HMGA2: variants seen among roughly 807,000 people sequenced by gnomAD.
HMGA2 encodes high mobility group AT-hook 2, also known as high mobility group protein HMGI-C.
HMGA2 carries 8 observed loss-of-function variants against 19.1 expected under a neutral mutation model. The observed-to-expected ratio is 0.42, with a 90% CI of 0.25 to 0.76. The LOEUF (loss-of-function observed/expected upper bound fraction) is 0.76. Ranked by LOEUF, HMGA2 falls within the 30% of genes least tolerant of loss-of-function variation. The pLI, the probability that HMGA2 is intolerant of heterozygous loss-of-function variation, is 0.28. For synonymous variants in HMGA2, 60 were observed against 48.8 expected, an observed-to-expected ratio of 1.23 and a Z score of -0.96; for missense variants, 109 against 136.3, an observed-to-expected ratio of 0.80 and a Z score of 1.00.
chr12:65,861,783 G>A (rs573457304), intron 3 of HMGA2, among the ~76,000 whole-genome samples: 2 of 149,892 alleles, frequency 1.3e-5, no homozygotes, highest in Non-Finnish European at 3.0e-5. Flanking sequence ...TTAAAGATAT[G>A]CTTTAACATT....
intron 3 of HMGA2, among the ~76,000 whole-genome samples, chr12:65,890,727 C>CTTT (rs113634383): frequency 7.0e-6 from 1 of 141,988 alleles, no homozygotes. Context: ...TCAGTATATT[C>CTTT]TTTTTTTTTT....
At chr12:65,945,961 C>T (rs1241649865) in intron 3 of HMGA2, among the ~76,000 whole-genome samples, 1 of 152,140 alleles carries the variant, frequency 6.6e-6, no homozygotes, top group Non-Finnish European at 1.5e-5. Context: ...AGCTGGCTTA[C>T]ATCTAAAGGA....
At chr12:65,936,319 G>A (rs1875893557) in intron 3 of HMGA2, among the ~76,000 whole-genome samples, 1 of 151,624 alleles carries the variant, frequency 6.6e-6, no homozygotes, top group African/African-American at 2.4e-5. Flanking sequence ...AATCAGTCTA[G>A]ATAACATCTT....
At chr12:65,891,129 T>C (rs1006798677) in intron 3 of HMGA2, among the ~76,000 whole-genome samples, 7 of 152,214 alleles carry the variant, frequency 4.6e-5, no homozygotes, top group East Asian at 3.8e-4. Flanking sequence ...TAATGTAAAG[T>C]ATAGAAACTC....
At position 65,966,229 on chromosome 12, in the gene HMGA2, G is replaced by C. The variant is rs1876905996; in HGVS notation, c.*2937G>C. ...ATAACAGCCTCTGTGATCCCCATGTGTTTTGATTCCTGCTCTTTGTTACAG... is the reference window on the plus strand; with the variant it reads ...ATAACAGCCTCTGTGATCCCCATGTCTTTTGATTCCTGCTCTTTGTTACAG... On this transcript the variant is annotated 3_prime_UTR_variant, in exon 5 of 5. Transcript: ENST00000403681. 1 of 192,644 alleles carries C rather than the reference G, an allele frequency of 5.2e-6. No individual in the cohort carries two copies. Among genetic ancestry groups the C allele is most frequent in the Admixed American group, 6.1e-5 (1 of 16,294 alleles). 11.9% of individuals were successfully genotyped at this position (192,644 alleles called of 1,614,324 possible). A position where few individuals can be genotyped will look rare whatever the true frequency, so the allele number is the denominator to read the frequency against.
In HMGA2 at chr12:65,847,374, C is replaced by T. The variant is rs564136783; in HGVS notation, c.249+8805C>T. ...AACATATGGTGACCTTATTTTTCCTCTTTGTGCATACTCAATATAATTTAT... is the reference window on the plus strand; with the variant it reads ...AACATATGGTGACCTTATTTTTCCTTTTTGTGCATACTCAATATAATTTAT... On this transcript the variant is annotated intron_variant, in intron 3 of 4. Transcript: ENST00000403681. Among the ~76,000 whole-genome samples, 21 of 152,254 alleles carry T rather than the reference C, an allele frequency of 1.4e-4. No homozygotes were observed. In the South Asian group the frequency reaches 2.1e-3, roughly 15 times the overall value.
chr12:65,911,452 T>C (rs1222148133), intron 3 of HMGA2, among the ~76,000 whole-genome samples: 1 of 152,158 alleles, frequency 6.6e-6, no homozygotes, highest in Admixed American at 6.5e-5. Flanking sequence ...GTAATTAGCA[T>C]CCACATCCTC....
chr12:65,885,888 G>A (rs1282841685), intron 3 of HMGA2, among the ~76,000 whole-genome samples: 1 of 152,144 alleles, frequency 6.6e-6, no homozygotes, highest in East Asian at 1.9e-4. Context: ...AAATTACTCA[G>A]TTAAATGGGG....
At chr12:65,881,784 T>A in intron 3 of HMGA2, 1 of 703,104 alleles carries the variant, frequency 1.4e-6, no homozygotes, top group Non-Finnish European at 2.6e-6. Context: ...GGAAGCCTGC[T>A]GATCCCGGAA....
At chr12:65,903,851 G>C (rs1193168182) in intron 3 of HMGA2, among the ~76,000 whole-genome samples, 1 of 152,156 alleles carries the variant, frequency 6.6e-6, no homozygotes, top group East Asian at 1.9e-4. Flanking sequence ...GCAGATAACA[G>C]ATAACATCCA....
chr12:65,963,351 C>T lies in HMGA2; in HGVS notation c.*59C>T. 7.5e-7 allele frequency: 1 copy of T among 1,340,308 alleles called. No individual in the cohort carries two copies. Among genetic ancestry groups the T allele is most frequent in the Non-Finnish European group, 1.0e-6 (1 of 964,438 alleles). 83.0% of individuals were successfully genotyped at this position (1,340,308 alleles called of 1,614,324 possible). A position where few individuals can be genotyped will look rare whatever the true frequency, so the allele number is the denominator to read the frequency against. ...AGTTGGATCTTTTGAAGGGAGAAGACACTGCAGTGACCACTTATTCTGTAT... is the reference window on the plus strand; with the variant it reads ...AGTTGGATCTTTTGAAGGGAGAAGATACTGCAGTGACCACTTATTCTGTAT... On this transcript the variant is annotated 3_prime_UTR_variant, in exon 5 of 5. Coordinates refer to ENST00000403681, the MANE Select transcript of HMGA2 (RefSeq NM_003483.6).
In HMGA2 at chr12:65,868,728, G is replaced by A. The variant is rs1872561544; in HGVS notation, c.249+30159G>A. Reference sequence around the variant, plus strand: ...AATCCAGGTACTATCAGTCTTGCCTGTTTCTACCTAACTCTTTCATTTAAA... The same window carrying A: ...AATCCAGGTACTATCAGTCTTGCCTATTTCTACCTAACTCTTTCATTTAAA... On this transcript the variant is annotated intron_variant, in intron 3 of 4. Transcript: ENST00000403681. 2.6e-5 allele frequency among the ~76,000 whole-genome samples: 4 copies of A among 152,108 alleles called. No individual in the cohort carries two copies. In the South Asian group the frequency reaches 8.3e-4, roughly 32 times the overall value.
chr12:65,834,242 C>T (rs569410328), intron 2 of HMGA2, among the ~76,000 whole-genome samples: 12 of 152,206 alleles, frequency 7.9e-5, no homozygotes, highest in Admixed American at 3.9e-4. Flanking sequence ...TTGGAAATTA[C>T]GCTTTGGGAA....
intron 3 of HMGA2, among the ~76,000 whole-genome samples, chr12:65,891,466 G>A (rs1488915869): frequency 6.6e-6 from 1 of 152,204 alleles, no homozygotes; most frequent in Non-Finnish European, 1.5e-5. Flanking sequence ...CAGCATTTAG[G>A]GAAGACAGTT....
At chr12:65,901,141 T>C (rs1275410459) in intron 3 of HMGA2, among the ~76,000 whole-genome samples, 2 of 152,298 alleles carry the variant, frequency 1.3e-5, no homozygotes, top group East Asian at 1.9e-4. Context: ...ACCACAGAAA[T>C]TGGCAAATGC....
At chr12:65,832,409 A>G (rs932003633) in intron 2 of HMGA2, among the ~76,000 whole-genome samples, 3 of 151,946 alleles carry the variant, frequency 2.0e-5, no homozygotes, top group African/African-American at 7.2e-5. Flanking sequence ...TCTCTGGCTG[A>G]CCTACATTCC....
At chr12:65,943,298 T>C (rs1272070523) in intron 3 of HMGA2, among the ~76,000 whole-genome samples, 1 of 152,172 alleles carries the variant, frequency 6.6e-6, no homozygotes, top group East Asian at 1.9e-4. Context: ...ACTGTGATTT[T>C]TAAAGGGCTT....
intron 3 of HMGA2, among the ~76,000 whole-genome samples, chr12:65,845,431 G>T (rs1647893243): frequency 6.6e-6 from 1 of 151,980 alleles, no homozygotes; most frequent in African/African-American, 2.4e-5. Context: ...ACCATGCCTG[G>T]CTAATTTTTG....
intron 3 of HMGA2, chr12:65,842,769 T>C: frequency 2.9e-6 from 4 of 1,373,896 alleles, no homozygotes; most frequent in Non-Finnish European, 3.8e-6. Context: ...CCAATTGAAA[T>C]TTGGCATTTA....
Sources: allele counts gnomAD v4.1 joint callset (sites outside exome capture counted in the v4.1 genomes callset), GRCh38; gene constraint gnomAD v4.1.1; transcripts MANE v1.5; gene names NCBI Gene and HGNC (gene_info 2026-07-23, HGNC 2026-07-21).